The following CPEB3 variants were observed in gnomAD, a reference collection of about 807,000 sequenced individuals.
CPEB3 encodes the protein cytoplasmic polyadenylation element binding protein 3.
Under a neutral mutation model 67.2 loss-of-function variants are expected in CPEB3, and 20 were observed. The observed-to-expected ratio is 0.30, with a 90% CI of 0.21 to 0.43. The LOEUF (loss-of-function observed/expected upper bound fraction) is 0.43. Ranked by LOEUF, CPEB3 falls within the 20% of genes least tolerant of loss-of-function variation. The pLI is 1.00. For missense variants in CPEB3, 746 were observed against 968.6 expected (o/e 0.77, Z 3.05); for synonymous variants, 376 against 393.1 (o/e 0.96, Z 0.51).
chr10:92,130,678 A>G (rs1048304860), intron 6 of CPEB3, among the ~76,000 whole-genome samples: 4 of 146,176 alleles, frequency 2.7e-5, no homozygotes, highest in African/African-American at 1.0e-4. Context: ...TTTTGCCACC[A>G]ACTGAGGTCT....
In CPEB3 at chr10:92,245,075, T is replaced by C. The variant is rs533914055; in HGVS notation, c.-11-4714A>G. On this transcript the variant is annotated intron_variant, in intron 1 of 9. Transcript: ENST00000265997. ...TACCAGAAACCACTGATTTGCAGCA[T>C]ACTGTAATCTTTGTTTCTAGTTATT... is the stretch of plus-strand genomic sequence containing the variant. 7.9e-5 allele frequency among the ~76,000 whole-genome samples: 12 copies of C among 151,878 alleles called. No homozygotes were observed. In the East Asian group the frequency reaches 2.1e-3, roughly 27 times the overall value.
At chr10:92,257,040 C>T (rs995045217) in intron 1 of CPEB3, among the ~76,000 whole-genome samples, 5 of 152,132 alleles carry the variant, frequency 3.3e-5, no homozygotes, top group African/African-American at 1.2e-4. Context: ...TAACATTAGA[C>T]AAAGAGAAGT....
chr10:92,088,109 T>C (rs1235814695), intron 8 of CPEB3, among the ~76,000 whole-genome samples: 1 of 152,120 alleles, frequency 6.6e-6, no homozygotes, highest in African/African-American at 2.4e-5. Flanking sequence ...TTATTTGACA[T>C]AGAAAAACCC....
chr10:92,169,005 A>G (rs1460563173), intron 4 of CPEB3, among the ~76,000 whole-genome samples: 1 of 150,674 alleles, frequency 6.6e-6, no homozygotes, highest in African/African-American at 2.4e-5. Context: ...CATATTGGTC[A>G]GGCTGGTCTC....
chr10:92,111,611 A>G (rs1362890115), intron 6 of CPEB3, among the ~76,000 whole-genome samples: 7 of 152,262 alleles, frequency 4.6e-5, no homozygotes, highest in Admixed American at 3.3e-4. Context: ...GCCAGACAAA[A>G]TATGTCCAGA....
chr10:92,106,689 C>T (rs1844473841), intron 7 of CPEB3, among the ~76,000 whole-genome samples: 1 of 151,536 alleles, frequency 6.6e-6, no homozygotes, highest in African/African-American at 2.4e-5. Context: ...GTGACACATG[C>T]CTGTAATCCC....
rs778709783 is a variant in CPEB3, at chr10:92,273,417, T to C, written c.-12+17509A>G. ...AATAAATGATTAATTGAATAGTCGA[T>C]TGTCTTCAGACTTAATAAGATTTTA... On this transcript the variant is annotated intron_variant, in intron 1 of 9. Transcript: ENST00000265997. Among the ~76,000 whole-genome samples the C allele has an allele frequency of 9.8e-5, 15 of 152,300 alleles. No homozygotes were observed. In the South Asian group the frequency reaches 2.5e-3, roughly 25 times the overall value.
At position 92,107,946 on chromosome 10, in the gene CPEB3, T is replaced by C. The variant is rs142924766; in HGVS notation, c.1572+3130A>G. 1.3e-3 allele frequency among the ~76,000 whole-genome samples: 202 copies of C among 152,088 alleles called. 1 individual carries two copies. The highest frequency in any genetic ancestry group is 9.9e-3 in the East Asian group (51 of 5,174). On this transcript the variant is annotated intron_variant, in intron 7 of 9. Coordinates refer to ENST00000265997, the MANE Select transcript of CPEB3 (RefSeq NM_014912.5). ...CTAACACAACCTGAAATCCACAAATTTGGAATTCATTTGAGTTAAAAAAAG... is the reference window on the plus strand; with the variant it reads ...CTAACACAACCTGAAATCCACAAATCTGGAATTCATTTGAGTTAAAAAAAG...
chr10:92,289,739 A>C (rs1842730797), intron 1 of CPEB3, among the ~76,000 whole-genome samples: 1 of 125,028 alleles, frequency 8.0e-6, no homozygotes. Flanking sequence ...AAAAATATAT[A>C]TATATATATA....
intron 6 of CPEB3, chr10:92,118,694 C>T (rs940558419): frequency 2.8e-6 from 2 of 705,534 alleles, no homozygotes; most frequent in Non-Finnish European, 5.3e-6. Context: ...TCGACATTGC[C>T]TCCGAGCCCA....
chr10:92,122,679 A>G (rs986706299), intron 6 of CPEB3, among the ~76,000 whole-genome samples: 3 of 152,248 alleles, frequency 2.0e-5, no homozygotes, highest in Non-Finnish European at 1.5e-5. Context: ...TTTTGTAAAC[A>G]TATTTTTAAA....
rs564485095 is a variant in CPEB3, at chr10:92,049,412, T to C, written c.*2800A>G. On this transcript the variant is annotated 3_prime_UTR_variant, in exon 10 of 10. Transcript: ENST00000265997. ...CAGAACACCTCTGTGTTTTAAAAAA[T>C]AATTTTTTTGAAGGACCCTCTCTTT... The C allele has an allele frequency of 6.6e-6, 1 of 152,620 alleles. No individual in the cohort carries two copies. The highest frequency in any genetic ancestry group is 1.9e-4 in the East Asian group (1 of 5,186). The allele number at this position is 152,620 out of a possible 1,614,324, so 9.5% of individuals were successfully genotyped here.
chr10:92,064,301 C>T (rs1206450688), intron 9 of CPEB3, among the ~76,000 whole-genome samples: 1 of 152,198 alleles, frequency 6.6e-6, no homozygotes, highest in Non-Finnish European at 1.5e-5. Flanking sequence ...AGAATACTGG[C>T]TCCAGTGGTG....
intron 7 of CPEB3, among the ~76,000 whole-genome samples, chr10:92,108,067 G>A (rs1844558287): frequency 6.6e-6 from 1 of 152,176 alleles, no homozygotes; most frequent in African/African-American, 2.4e-5. Context: ...AAGGGAACAG[G>A]AGTTTGAGGG....
chr10:92,108,230 C>G (rs574267499), intron 7 of CPEB3, among the ~76,000 whole-genome samples: 1 of 152,212 alleles, frequency 6.6e-6, no homozygotes, highest in Admixed American at 6.5e-5. Flanking sequence ...TAAAGGCTAG[C>G]CAAGCCAAAA....
chr10:92,106,338 T>C (rs1301775401), intron 7 of CPEB3, among the ~76,000 whole-genome samples: 1 of 152,048 alleles, frequency 6.6e-6, no homozygotes, highest in Non-Finnish European at 1.5e-5. Context: ...TACTGTGCCT[T>C]GACCACGGCA....
chr10:92,181,106 A>C, intron 3 of CPEB3, 87 bp from the exon 4 acceptor site: 1 of 728,232 alleles, frequency 1.4e-6, no homozygotes, highest in South Asian at 1.6e-5. Context: ...ACAAAAATCT[A>C]AAACAGATTA....
intron 1 of CPEB3, among the ~76,000 whole-genome samples, chr10:92,260,051 T>C (rs1026206099): frequency 4.6e-5 from 7 of 152,154 alleles, no homozygotes; most frequent in African/African-American, 7.2e-5. Context: ...AGTCCTTTTG[T>C]CCTACTTGAT....
chr10:92,195,056 C>A (rs1237974061), intron 2 of CPEB3, among the ~76,000 whole-genome samples: 1 of 150,214 alleles, frequency 6.7e-6, no homozygotes, highest in Non-Finnish European at 1.5e-5. Flanking sequence ...AACACACACA[C>A]ACACACACAC....
Sources: gnomAD v4.1 joint callset for allele counts (sites outside exome capture counted in the v4.1 genomes callset) on GRCh38, gnomAD v4.1.1 for gene constraint, MANE v1.5 for transcripts, NCBI Gene and HGNC (gene_info 2026-07-23, HGNC 2026-07-21) for gene names.